Variants in PSMG2 observed in about 807,000 individuals in gnomAD.
PSMG2 encodes the protein proteasome assembly chaperone 2.
In PSMG2, 21 loss-of-function variants were observed where a neutral mutation model predicts 31.5. That is an observed-to-expected ratio of 0.67 (90% CI 0.47 to 0.96). The LOEUF (loss-of-function observed/expected upper bound fraction) is 0.96. Among genes scored for constraint, PSMG2 ranks in the 40% least tolerant of loss-of-function variants. The pLI is 0.00. For synonymous variants in PSMG2, 120 were observed against 110.4 expected, an observed-to-expected ratio of 1.09 and a Z score of -0.54; for missense variants, 318 against 321.2, an observed-to-expected ratio of 0.99 and a Z score of 0.08.
At chr18:12,707,966 T>C (rs2040286345) in intron 2 of PSMG2, among the ~76,000 whole-genome samples, 2 of 152,058 alleles carry the variant, frequency 1.3e-5, no homozygotes, top group South Asian at 4.1e-4. Flanking sequence ...CCTCAGAGGA[T>C]AAAGGACTAT....
chr18:12,680,451 C>T (rs544348083), intron 1 of PSMG2, among the ~76,000 whole-genome samples: 44 of 151,982 alleles, frequency 2.9e-4, no homozygotes, highest in African/African-American at 1.0e-3. Flanking sequence ...CAAAAATCAG[C>T]CAGGTGCGGT....
At chr18:12,669,933 G>GCTGCGGTGAGCCGAGA (rs2038899284) in intron 1 of PSMG2, among the ~76,000 whole-genome samples, 2 of 149,454 alleles carry the variant, frequency 1.3e-5, no homozygotes, top group Admixed American at 6.7e-5. Flanking sequence ...GGAGGCGGAG[G>GCTGCGGTGAGCCGAGA]TTGCGGTGAG....
At chr18:12,718,043 C>T (rs1442454593) in intron 3 of PSMG2, among the ~76,000 whole-genome samples, 4 of 143,832 alleles carry the variant, frequency 2.8e-5, no homozygotes, top group Admixed American at 7.1e-5. Flanking sequence ...AAGTTTCACT[C>T]GGTTCCCCCG....
chr18:12,669,604 T>A (rs1467195875), intron 1 of PSMG2, among the ~76,000 whole-genome samples: 1 of 152,318 alleles, frequency 6.6e-6, no homozygotes, highest in Non-Finnish European at 1.5e-5. Flanking sequence ...ATACATATTG[T>A]CAAGAACACC....
chr18:12,709,626 G>A (rs1206694803), intron 2 of PSMG2, among the ~76,000 whole-genome samples: 1 of 151,892 alleles, frequency 6.6e-6, no homozygotes, highest in African/African-American at 2.4e-5. Context: ...AGCCTCTGGA[G>A]TAGTTGGGAT....
At chr18:12,681,490 T>TCCTC (rs1568016564) in intron 1 of PSMG2, among the ~76,000 whole-genome samples, 1 of 152,014 alleles carries the variant, frequency 6.6e-6, no homozygotes, top group Non-Finnish European at 1.5e-5. Context: ...GCTCAAGTGA[T>TCCTC]CCTCCTGCCT....
At position 12,668,761 on chromosome 18, in the gene PSMG2, CAG is replaced by C. The variant is rs1472440830; in HGVS notation, c.-37+9991_-37+9992del. ...TTTTTTTTTTTTTTTTTTTTTGAGA[CAG>C]AGTCTTGCTCTGTCACCCAGGCTGG... On this transcript the variant is annotated intron_variant, in intron 1 of 6. Coordinates refer to the PSMG2 transcript ENST00000585331. 2.2e-3 allele frequency among the ~76,000 whole-genome samples: 196 copies of C among 89,686 alleles called. 3 individuals are homozygous for C. The highest frequency in any genetic ancestry group is 0.012 in the Middle Eastern group (1 of 86). 58.8% of individuals were successfully genotyped at this position (89,686 alleles called of 152,430 possible).
intron 5 of PSMG2, among the ~76,000 whole-genome samples, chr18:12,721,356 G>A (rs2040429280): frequency 2.0e-5 from 3 of 151,820 alleles, no homozygotes; most frequent in South Asian, 2.1e-4. Flanking sequence ...CTCTACACGC[G>A]CACTTTTTTT....
Position 12,712,765 on chromosome 18 carries a change from G to C in PSMG2, c.288+5G>C, listed in dbSNP as rs774540721. On this transcript the variant is annotated splice_donor_5th_base_variant and intron_variant, in intron 3 of 6. Transcript: ENST00000317615. ...TTAAGATCCATTTTTATTAAGGTTA[G>C]TATGTTGTAGTTTGCCTTTTTGTTT... The C allele has an allele frequency of 1.3e-6, 2 of 1,598,556 alleles. No homozygotes were observed. The highest frequency in any genetic ancestry group is 4.5e-5 in the East Asian group (2 of 44,556).
intron 3 of PSMG2, 60 bp downstream of exon 3, chr18:12,712,820 T>C (rs1316007037): frequency 1.6e-6 from 2 of 1,243,362 alleles, no homozygotes; most frequent in South Asian, 1.4e-5. Context: ...ATAAGTAACA[T>C]TAGGGATTAA....
At chr18:12,711,253 C>CA (rs34129701) in intron 2 of PSMG2, among the ~76,000 whole-genome samples, 13,590 of 152,132 alleles carry the variant, frequency 0.089, 850 homozygotes, top group Non-Finnish European at 0.13. Context: ...GCCTGGGTGA[C>CA]AGAGCGAGAC....
chr18:12,681,256 ATTTTTT>A (rs34816720), intron 1 of PSMG2, among the ~76,000 whole-genome samples: 2 of 115,390 alleles, frequency 1.7e-5, no homozygotes, highest in Non-Finnish European at 1.7e-5. Context: ...AAAGTAGAAC[ATTTTTT>A]TTTTTTTTTT....
upstream of PSMG2, chr18:12,699,174 A>G (rs776335158): frequency 6.2e-7 from 1 of 1,613,796 alleles, no homozygotes. Context: ...ACCTGAAGGT[A>G]AAGATACCTC....
At chr18:12,724,855 A>G (rs894273604) in intron 6 of PSMG2, 3 of 432,912 alleles carry the variant, frequency 6.9e-6, no homozygotes, top group African/African-American at 6.1e-5. Flanking sequence ...TTAGTTCTTC[A>G]TTGTACTTAC....
chr18:12,721,092 A>G (rs2040426688), intron 5 of PSMG2, among the ~76,000 whole-genome samples: 1 of 150,458 alleles, frequency 6.6e-6, no homozygotes. Flanking sequence ...AGGCAGGAGA[A>G]TGGTGTGAAC....
In PSMG2 at chr18:12,697,258, C is replaced by A. The variant is rs984234502; in HGVS notation, c.-36-9292C>A. On this transcript the variant is annotated intron_variant, in intron 1 of 6. Transcript: ENST00000585331. The stretch of plus-strand genomic sequence containing the variant: ...AAGTTCCACAGTCAGACTGGTCACT[C>A]CATTTTCTGAGCCCAAAACCGATCG... The A allele has an allele frequency of 2.5e-6, 4 of 1,613,688 alleles. No individual in the cohort carries two copies. The highest frequency in any genetic ancestry group is 3.4e-6 in the Non-Finnish European group (4 of 1,179,862).
chr18:12,684,959 A>AT (rs924630990), intron 1 of PSMG2: 1 of 151,546 alleles, frequency 6.6e-6, no homozygotes, highest in Non-Finnish European at 1.5e-5. Flanking sequence ...GCAATTCAAG[A>AT]TTTTTTTCTA....
In PSMG2 at chr18:12,722,788, A is replaced by G. The variant is rs552507428; in HGVS notation, c.582-1711A>G. ...AAGACCAGAGGGTAATATTGAAATGATTATCCCACACTGTGTGACAAACTA... is the reference window on the plus strand; with the variant it reads ...AAGACCAGAGGGTAATATTGAAATGGTTATCCCACACTGTGTGACAAACTA... On this transcript the variant is annotated intron_variant, in intron 5 of 6. Coordinates refer to ENST00000317615, the MANE Select transcript of PSMG2 (RefSeq NM_020232.5). Among the ~76,000 whole-genome samples, 6 of 152,348 alleles carry G rather than the reference A, an allele frequency of 3.9e-5. No homozygotes were observed. The East Asian group carries it at 1.2e-3, about 29-fold the overall frequency.
intron 1 of PSMG2, chr18:12,695,310 G>T (rs964404804): frequency 1.3e-6 from 2 of 1,569,948 alleles, no homozygotes; most frequent in Admixed American, 3.4e-5. Flanking sequence ...TACATTTCAA[G>T]TTTTATATTT....
Sources: gnomAD v4.1 joint callset for allele counts (sites outside exome capture counted in the v4.1 genomes callset) on GRCh38, gnomAD v4.1.1 for gene constraint, MANE v1.5 for transcripts, NCBI Gene and HGNC (gene_info 2026-07-23, HGNC 2026-07-21) for gene names.